Variants in PASD1 observed in about 807,000 individuals in gnomAD.
The protein encoded by PASD1 is circadian clock protein PASD1.
A neutral mutation model predicts 58.8 loss-of-function variants in PASD1; 13 were observed. The ratio of observed to expected loss-of-function variants is 0.22; its 90% CI spans 0.14 to 0.35. The LOEUF (loss-of-function observed/expected upper bound fraction) is 0.35. PASD1 is among the 10% of genes least tolerant of loss of function. The probability of loss-of-function intolerance (pLI) is 1.00; values close to 1 mark genes in which losing one functional copy is unlikely to be tolerated. For synonymous variants in PASD1, 236 were observed against 216.7 expected (o/e 1.09, Z -0.78); for missense variants, 734 against 568.3 (o/e 1.29, Z -2.96).
chrX:151,576,696 C>T (rs1039485836), intron 1 of PASD1, among the ~76,000 whole-genome samples: 6 of 111,498 alleles, frequency 5.4e-5, no homozygotes, highest in Non-Finnish European at 1.1e-4. Flanking sequence ...TGTGTGCACA[C>T]GTGTGTATGT....
At chrX:151,608,481 C>G (rs1187214612) in intron 3 of PASD1, among the ~76,000 whole-genome samples, 1 of 111,685 alleles carries the variant, frequency 9.0e-6, no homozygotes, top group African/African-American at 3.3e-5. Context: ...TAGTTTGTAG[C>G]TTGCCTTTTC....
chrX:151,599,791 G>A (rs769442346), intron 1 of PASD1, among the ~76,000 whole-genome samples: 5 of 109,251 alleles, frequency 4.6e-5, no homozygotes, highest in South Asian at 4.1e-4. Context: ...CTGGGCGGCC[G>A]GGCAGAGGGC....
At chrX:151,656,958 G>A (rs1440101799) in intron 9 of PASD1, among the ~76,000 whole-genome samples, 1 of 111,561 alleles carries the variant, frequency 9.0e-6, no homozygotes, top group Non-Finnish European at 1.9e-5. Flanking sequence ...GAAAGCCTCC[G>A]GTTTTTGCCC....
At chrX:151,588,724 G>A (rs1278156617) in intron 1 of PASD1, among the ~76,000 whole-genome samples, 1 of 112,157 alleles carries the variant, frequency 8.9e-6, no homozygotes, top group Non-Finnish European at 1.9e-5. Context: ...CTCTTCAGAT[G>A]TGGAAGAGTG....
chrX:151,665,123 T>C (rs978279532), intron 11 of PASD1, among the ~76,000 whole-genome samples: 4 of 111,808 alleles, frequency 3.6e-5, no homozygotes, highest in Non-Finnish European at 7.5e-5. Flanking sequence ...AGAACACAAT[T>C]GTTTGAGTTT....
In PASD1 at chrX:151,612,153, C is replaced by A. The variant is rs1281727993; in HGVS notation, c.207+400C>A. On this transcript the variant is annotated intron_variant, in intron 4 of 15. Transcript: ENST00000370357. ...TCCCTACAAAGGACATGAACTCATCCTTTTTTATGGCTGCATAGTATTCCC... is the reference window on the plus strand; with the variant it reads ...TCCCTACAAAGGACATGAACTCATCATTTTTTATGGCTGCATAGTATTCCC... Among the ~76,000 whole-genome samples the A allele has an allele frequency of 6.6e-5, 6 of 91,022 alleles. 1 individual carries two copies. Among genetic ancestry groups the A allele is most frequent in the Non-Finnish European group, 1.1e-4 (5 of 45,188 alleles). The allele number at this position is 91,022 out of a possible 115,157, so 79.0% of individuals were successfully genotyped here.
At chrX:151,670,725 A>G (rs2014455998) in intron 11 of PASD1, among the ~76,000 whole-genome samples, 1 of 112,109 alleles carries the variant, frequency 8.9e-6, no homozygotes, top group Admixed American at 9.5e-5. Context: ...ACCCAGGCGC[A>G]GAATACTTTG....
intron 1 of PASD1, among the ~76,000 whole-genome samples, chrX:151,598,772 A>G (rs1212986195): frequency 8.9e-6 from 1 of 111,760 alleles, no homozygotes; most frequent in Non-Finnish European, 1.9e-5. Context: ...TGGGGGATTC[A>G]TACTGTTGGG....
chrX:151,602,610 G>T (rs2013433476), intron 2 of PASD1, among the ~76,000 whole-genome samples: 1 of 110,576 alleles, frequency 9.0e-6, no homozygotes, highest in Non-Finnish European at 1.9e-5. Flanking sequence ...GCAAGACAAT[G>T]GCTTGAACCT....
chrX:151,659,658 A>T, intron 9 of PASD1, 55 bp from the exon 10 acceptor site: 3 of 1,097,579 alleles, frequency 2.7e-6, no homozygotes, highest in East Asian at 3.1e-5. Context: ...TGTGTTTCCT[A>T]TTCTTTCTAA....
chrX:151,652,553 A>G (rs767393686), intron 9 of PASD1, among the ~76,000 whole-genome samples: 56 of 108,958 alleles, frequency 5.1e-4, no homozygotes, highest in African/African-American at 9.0e-4. Flanking sequence ...AAAACAAAAA[A>G]CAAACAAACA....
intron 1 of PASD1, chrX:151,578,431 G>A (rs1313234545): frequency 4.5e-5 from 5 of 111,745 alleles, no homozygotes; most frequent in African/African-American, 1.6e-4. Context: ...GCTATTTCTG[G>A]GCAAGAAGAC....
chrX:151,663,325 C>T (rs1026104997), intron 10 of PASD1, among the ~76,000 whole-genome samples: 5 of 111,989 alleles, frequency 4.5e-5, no homozygotes, highest in African/African-American at 1.6e-4. Context: ...TTGGTCTAGC[C>T]CCTTTCACTT....
At chrX:151,575,254 T>A (rs2012987441) in intron 1 of PASD1, among the ~76,000 whole-genome samples, 2 of 109,891 alleles carry the variant, frequency 1.8e-5, no homozygotes, top group Admixed American at 1.9e-4. Context: ...ACATTCCCAG[T>A]TTCTCCAATC....
At chrX:151,595,554 T>C (rs2013310753) in intron 1 of PASD1, among the ~76,000 whole-genome samples, 1 of 104,893 alleles carries the variant, frequency 9.5e-6, no homozygotes, top group African/African-American at 3.5e-5. Flanking sequence ...CCGTCTCTAC[T>C]AAAAATACAA....
intron 9 of PASD1, among the ~76,000 whole-genome samples, chrX:151,655,189 T>G (rs2014223010): frequency 1.8e-5 from 2 of 111,606 alleles, no homozygotes; most frequent in South Asian, 3.8e-4. Flanking sequence ...GAACTCATCA[T>G]TTTTTATGGC....
intron 14 of PASD1, chrX:151,672,878 G>A: frequency 1.9e-6 from 1 of 517,495 alleles, no homozygotes; most frequent in Non-Finnish European, 3.0e-6. Flanking sequence ...TGGAACAAAG[G>A]GGTACCCATG....
At chrX:151,647,681 C>T (rs899469913) in intron 8 of PASD1, among the ~76,000 whole-genome samples, 4 of 109,983 alleles carry the variant, frequency 3.6e-5, no homozygotes, top group East Asian at 2.8e-4. Context: ...TTTGGATATC[C>T]GAAATACATT....
intron 11 of PASD1, among the ~76,000 whole-genome samples, chrX:151,669,655 C>G (rs905781789): frequency 3.6e-5 from 4 of 111,600 alleles, no homozygotes; most frequent in African/African-American, 1.3e-4. Context: ...ATTTGTCTTT[C>G]TGTACCTGGC....
Sources: allele counts gnomAD v4.1 joint callset (sites outside exome capture counted in the v4.1 genomes callset), GRCh38; gene constraint gnomAD v4.1.1; transcripts MANE v1.5; gene names NCBI Gene and HGNC (gene_info 2026-07-23, HGNC 2026-07-21).